KALRN: variants seen among roughly 807,000 people sequenced by gnomAD.
The protein encoded by KALRN is kalirin RhoGEF kinase.
A neutral mutation model predicts 353.7 loss-of-function variants in KALRN; 70 were observed. That is an observed-to-expected ratio of 0.20 (90% CI 0.16 to 0.24). The LOEUF (loss-of-function observed/expected upper bound fraction) is 0.24, where lower values mean the gene tolerates loss of function less well. Among genes scored for constraint, KALRN ranks in the 10% least tolerant of loss-of-function variants. KALRN has a pLI of 1.00. For synonymous variants in KALRN, 1,391 were observed against 1,434.8 expected, an observed-to-expected ratio of 0.97 and a Z score of 0.69; for missense variants, 2,791 against 3,756.7, an observed-to-expected ratio of 0.74 and a Z score of 6.72.
intron 1 of KALRN, among the ~76,000 whole-genome samples, chr3:124,071,258 G>T (rs2149268296): frequency 6.6e-6 from 1 of 152,276 alleles, no homozygotes; most frequent in East Asian, 1.9e-4. Context: ...GTATAAGTTT[G>T]CTGGAAATTC....
chr3:124,456,740 C>T lies in KALRN; in HGVS notation c.3854+12C>T. On this transcript the variant is annotated intron_variant, in intron 23 of 59. Coordinates refer to ENST00000682506, the MANE Select transcript of KALRN (RefSeq NM_001388419.1). ...GCCCGGAAGAAAGAGTACGTGTTGG[C>T]TTCCGCCCAGCTAGCTGGCTCCCCG... The T allele has an allele frequency of 6.9e-6, 11 of 1,593,784 alleles. No homozygotes were observed. Among genetic ancestry groups the T allele is most frequent in the Non-Finnish European group, 9.5e-6 (11 of 1,163,410 alleles).
intron 1 of KALRN, among the ~76,000 whole-genome samples, chr3:124,112,920 A>C (rs933222936): frequency 6.6e-6 from 1 of 152,164 alleles, no homozygotes; most frequent in Non-Finnish European, 1.5e-5. Flanking sequence ...TGTACTACAT[A>C]ACTGCATGTC....
intron 58 of KALRN, among the ~76,000 whole-genome samples, chr3:124,716,245 C>T (rs534430390): frequency 2.8e-4 from 43 of 152,250 alleles, no homozygotes; most frequent in Non-Finnish European, 4.7e-4. Context: ...GATCAAGAGC[C>T]GGGCACGCTG....
At chr3:124,684,015 G>A (rs893254919) in intron 51 of KALRN, among the ~76,000 whole-genome samples, 1 of 152,114 alleles carries the variant, frequency 6.6e-6, no homozygotes, top group South Asian at 2.1e-4. Context: ...GTGGTTCAAT[G>A]GCATTAAGTC....
chr3:124,615,796 C>T (rs2078519433), intron 34 of KALRN, among the ~76,000 whole-genome samples: 1 of 152,098 alleles, frequency 6.6e-6, no homozygotes, highest in Admixed American at 6.6e-5. Context: ...AGAGGAGAAC[C>T]ACAGAGAGAC....
At chr3:124,340,904 C>G (rs2081633750) in intron 9 of KALRN, among the ~76,000 whole-genome samples, 1 of 152,020 alleles carries the variant, frequency 6.6e-6, no homozygotes, top group Non-Finnish European at 1.5e-5. Flanking sequence ...TGCAGTGAGC[C>G]AAGATCACGC....
chr3:124,701,127 G>T (rs948504258), intron 56 of KALRN, among the ~76,000 whole-genome samples: 1 of 152,176 alleles, frequency 6.6e-6, no homozygotes, highest in Middle Eastern at 3.2e-3. Context: ...ATGATGCTGT[G>T]TGTTTTGCTA....
intron 33 of KALRN, among the ~76,000 whole-genome samples, chr3:124,528,672 A>G (rs2109110344): frequency 6.6e-6 from 1 of 152,310 alleles, no homozygotes. Context: ...CTAGAGAGAT[A>G]CATTGCAAGA....
intron 13 of KALRN, among the ~76,000 whole-genome samples, chr3:124,407,237 T>C (rs2091658075): frequency 6.6e-6 from 1 of 152,210 alleles, no homozygotes; most frequent in African/African-American, 2.4e-5. Flanking sequence ...ATAATATGTT[T>C]AGCAAAGCTC....
At chr3:124,187,940 G>A (rs1452677914) in intron 1 of KALRN, among the ~76,000 whole-genome samples, 1 of 152,138 alleles carries the variant, frequency 6.6e-6, no homozygotes, top group African/African-American at 2.4e-5. Context: ...CAGTAGGGTA[G>A]ATAAACTGGA....
chr3:124,530,301 A>G (rs2067933454), intron 33 of KALRN, among the ~76,000 whole-genome samples: 1 of 152,204 alleles, frequency 6.6e-6, no homozygotes, highest in Non-Finnish European at 1.5e-5. Flanking sequence ...AGGAATAGCT[A>G]TTGCATTATC....
chr3:124,230,297 TTC>T (rs2079002159), intron 2 of KALRN, among the ~76,000 whole-genome samples: 1 of 152,220 alleles, frequency 6.6e-6, no homozygotes, highest in African/African-American at 2.4e-5. Flanking sequence ...TCTCCATAAC[TTC>T]TGCCAAGTTG....
In KALRN at chr3:124,519,386, A is replaced by T. The variant is rs115723963; in HGVS notation, c.4935+22973A>T. The stretch of plus-strand genomic sequence containing the variant: ...TCAAGAGAGAGCCCCAACCCCAAAC[A>T]CAGAGTTTCATGGAAACCCCACACC... On this transcript the variant is annotated intron_variant, in intron 33 of 59. Transcript: ENST00000682506. 2.0e-3 allele frequency: 2,020 copies of T among 985,406 alleles called. 36 individuals are homozygous for T. In the African/African-American group the frequency reaches 0.032, roughly 16 times the overall value. The allele number at this position is 985,406 out of a possible 1,614,324, so 61.0% of individuals were successfully genotyped here.
intron 1 of KALRN, among the ~76,000 whole-genome samples, chr3:124,184,481 C>T (rs955505180): frequency 2.6e-5 from 4 of 152,118 alleles, no homozygotes; most frequent in Non-Finnish European, 5.9e-5. Flanking sequence ...ACCTTGATCC[C>T]CAGCCTCTTC....
intron 34 of KALRN, among the ~76,000 whole-genome samples, chr3:124,603,432 C>T (rs1162046271): frequency 6.6e-6 from 1 of 152,184 alleles, no homozygotes; most frequent in Non-Finnish European, 1.5e-5. Flanking sequence ...ACAGACCTCT[C>T]CTTGTGGATT....
chr3:124,466,074 G>C (rs1020029157), intron 25 of KALRN, among the ~76,000 whole-genome samples: 148 of 139,020 alleles, frequency 1.1e-3, no homozygotes, highest in African/African-American at 3.7e-3. Flanking sequence ...GTGTGTGTGT[G>C]TGTCTGTGAT....
intron 1 of KALRN, among the ~76,000 whole-genome samples, chr3:124,106,552 G>A (rs2062330383): frequency 6.6e-6 from 1 of 152,190 alleles, no homozygotes; most frequent in African/African-American, 2.4e-5. Context: ...AGAGGGTACT[G>A]TCAGTGCAAT....
intron 58 of KALRN, 33 bp from the exon 59 acceptor site, chr3:124,717,214 A>T (rs767457822): frequency 1.9e-6 from 3 of 1,557,754 alleles, no homozygotes; most frequent in Non-Finnish European, 1.7e-6. Flanking sequence ...CATTTCAAAC[A>T]TATTTCCTTT....
At chr3:124,486,443 G>A (rs2062580226) in intron 28 of KALRN, among the ~76,000 whole-genome samples, 1 of 152,168 alleles carries the variant, frequency 6.6e-6, no homozygotes, top group Non-Finnish European at 1.5e-5. Context: ...TTCTGAACAA[G>A]GGTGACGTTA....
Sources: allele counts gnomAD v4.1 joint callset (sites outside exome capture counted in the v4.1 genomes callset), GRCh38; gene constraint gnomAD v4.1.1; transcripts MANE v1.5; gene names NCBI Gene and HGNC (gene_info 2026-07-23, HGNC 2026-07-21).